Variants in NAALADL2 observed in about 807,000 individuals in gnomAD.
NAALADL2 encodes the protein N-acetylated alpha-linked acidic dipeptidase like 2, also known as inactive N-acetylated-alpha-linked acidic dipeptidase-like protein 2.
A neutral mutation model predicts 87.2 loss-of-function variants in NAALADL2; 76 were observed. That is an observed-to-expected ratio of 0.87 (90% confidence interval 0.72 to 1.05). NAALADL2 has a LOEUF of 1.05. Ranked by LOEUF, NAALADL2 falls within the 50% of genes least tolerant of loss-of-function variation. NAALADL2 has a pLI of 0.00. For synonymous variants in NAALADL2, 354 were observed against 331.0 expected (o/e 1.07, Z -0.75); for missense variants, 1,089 against 945.8 (o/e 1.15, Z -1.99).
chr3:175,490,687 G>A (rs1222720062), intron 9 of NAALADL2, among the ~76,000 whole-genome samples: 3 of 151,720 alleles, frequency 2.0e-5, no homozygotes, highest in Non-Finnish European at 4.4e-5. Context: ...GAGCCACCGC[G>A]CCGGACCATA....
intron 2 of NAALADL2, among the ~76,000 whole-genome samples, chr3:175,232,449 C>T (rs1400297426): frequency 6.6e-6 from 1 of 152,082 alleles, no homozygotes; most frequent in Non-Finnish European, 1.5e-5. Flanking sequence ...CTTTTCCAGG[C>T]ATGTACTGTT....
At chr3:174,576,372 A>G (rs1466293606) in intron 2 of NAALADL2, among the ~76,000 whole-genome samples, 1 of 152,176 alleles carries the variant, frequency 6.6e-6, no homozygotes, top group African/African-American at 2.4e-5. Flanking sequence ...TTTGGGTTAA[A>G]TCACTATGAG....
intron 2 of NAALADL2, among the ~76,000 whole-genome samples, chr3:175,146,781 T>A (rs771113833): frequency 6.6e-6 from 1 of 152,154 alleles, no homozygotes; most frequent in Admixed American, 6.6e-5. Context: ...ATGTGTGAAA[T>A]TGTTGGCTTA....
chr3:175,778,582 C>T (rs1750580449), intron 13 of NAALADL2, among the ~76,000 whole-genome samples: 1 of 152,170 alleles, frequency 6.6e-6, no homozygotes, highest in African/African-American at 2.4e-5. Context: ...ATGCAAACAT[C>T]TCAAATAATA....
At chr3:174,848,359 G>A (rs932912646) in intron 3 of NAALADL2, among the ~76,000 whole-genome samples, 3 of 152,010 alleles carry the variant, frequency 2.0e-5, no homozygotes, top group African/African-American at 7.2e-5. Context: ...CCCTTGAGTA[G>A]TTTATAAGTG....
chr3:175,227,226 C>G (rs1285107661), intron 2 of NAALADL2, among the ~76,000 whole-genome samples: 1 of 152,000 alleles, frequency 6.6e-6, no homozygotes, highest in Non-Finnish European at 1.5e-5. Flanking sequence ...CTGGCTTCCT[C>G]CAATTCTGAC....
chr3:174,443,585 A>C (rs752097708), intron 1 of NAALADL2, among the ~76,000 whole-genome samples: 4 of 152,226 alleles, frequency 2.6e-5, no homozygotes, highest in Non-Finnish European at 5.9e-5. Context: ...AATGGCATAC[A>C]TTTAGGACTC....
chr3:174,939,281 T>G (rs1265230851), intron 1 of NAALADL2, among the ~76,000 whole-genome samples: 1 of 152,062 alleles, frequency 6.6e-6, no homozygotes, highest in Non-Finnish European at 1.5e-5. Flanking sequence ...TTCCATGGCT[T>G]GGTTTTATCA....
rs74574720 is a variant in NAALADL2, at chr3:175,191,560, C to A, written c.546-42371C>A. On this transcript the variant is annotated intron_variant, in intron 2 of 13. Transcript: ENST00000454872. ...TCCACAATACTAACCCCAGAAAGCACCCCCTGAATGATATATTTGTGAGAA... is the reference window on the plus strand; with the variant it reads ...TCCACAATACTAACCCCAGAAAGCAACCCCTGAATGATATATTTGTGAGAA... 1.3e-4 allele frequency among the ~76,000 whole-genome samples: 20 copies of A among 152,224 alleles called. No homozygotes were observed. In the East Asian group the frequency reaches 3.9e-3, roughly 29 times the overall value.
chr3:174,768,813 A>C (rs551598610), intron 3 of NAALADL2, among the ~76,000 whole-genome samples: 2 of 152,188 alleles, frequency 1.3e-5, no homozygotes, highest in South Asian at 4.1e-4. Context: ...CTTTATTGTC[A>C]TATAATTGAA....
intron 6 of NAALADL2, among the ~76,000 whole-genome samples, chr3:175,449,861 A>G (rs1215311213): frequency 1.3e-5 from 2 of 152,218 alleles, no homozygotes; most frequent in Non-Finnish European, 1.5e-5. Context: ...GGATTATGAC[A>G]TATGAAATTG....
intron 2 of NAALADL2, among the ~76,000 whole-genome samples, chr3:175,209,457 GA>G (rs1741440845): frequency 1.3e-5 from 2 of 152,022 alleles, no homozygotes; most frequent in East Asian, 3.9e-4. Context: ...TTTTGTTCTT[GA>G]AAATGGCCAC....
intron 10 of NAALADL2, among the ~76,000 whole-genome samples, chr3:175,587,070 A>T (rs1720640725): frequency 1.3e-5 from 2 of 152,154 alleles, no homozygotes; most frequent in African/African-American, 4.8e-5. Context: ...GGGTCCACGG[A>T]TGTGCATGGC....
chr3:175,228,586 G>A (rs372429151), intron 2 of NAALADL2, among the ~76,000 whole-genome samples: 10 of 151,368 alleles, frequency 6.6e-5, no homozygotes, highest in African/African-American at 2.2e-4. Context: ...AAGCTAGCAC[G>A]GAGTGCAATG....
At chr3:175,061,871 C>A (rs1713564537) in intron 1 of NAALADL2, among the ~76,000 whole-genome samples, 1 of 151,860 alleles carries the variant, frequency 6.6e-6, no homozygotes, top group Non-Finnish European at 1.5e-5. Context: ...AAAGGAGATA[C>A]ATAGATGCAC....
intron 11 of NAALADL2, among the ~76,000 whole-genome samples, chr3:175,691,362 TTTA>T (rs924846276): frequency 2.6e-5 from 4 of 151,534 alleles, no homozygotes; most frequent in African/African-American, 9.7e-5. Flanking sequence ...AGTCATAGCT[TTTA>T]TTATAATTTC....
intron 2 of NAALADL2, among the ~76,000 whole-genome samples, chr3:174,672,347 A>T (rs1314207282): frequency 6.6e-6 from 1 of 152,054 alleles, no homozygotes; most frequent in Non-Finnish European, 1.5e-5. Flanking sequence ...ACTTTGCCAA[A>T]AGATGTGTGG....
intron 3 of NAALADL2, among the ~76,000 whole-genome samples, chr3:174,823,659 A>G (rs1465449257): frequency 6.6e-6 from 1 of 152,222 alleles, no homozygotes; most frequent in Admixed American, 6.5e-5. Context: ...TTATAAGGAA[A>G]GAAAACTTAA....
intron 1 of NAALADL2, among the ~76,000 whole-genome samples, chr3:174,873,199 G>GTCTCTCTCTCTC (rs3884084): frequency 7.5e-4 from 112 of 148,554 alleles, no homozygotes; most frequent in African/African-American, 2.5e-3. Flanking sequence ...CTCTCTGTCT[G>GTCTCTCTCTCTC]TCTCTCTCTC....
Sources: gnomAD v4.1 joint callset for allele counts (sites outside exome capture counted in the v4.1 genomes callset) on GRCh38, gnomAD v4.1.1 for gene constraint, MANE v1.5 for transcripts, NCBI Gene and HGNC (gene_info 2026-07-23, HGNC 2026-07-21) for gene names.